Variants in TAPT1 observed in about 807,000 individuals in gnomAD.
TAPT1 encodes transmembrane anterior posterior transformation protein 1 homolog.
In TAPT1, 28 loss-of-function variants were observed where a neutral mutation model predicts 65.6. The observed-to-expected ratio is 0.43, with a 90% CI of 0.32 to 0.59. TAPT1 has a LOEUF of 0.59. Among genes scored for constraint, TAPT1 ranks in the 20% least tolerant of loss-of-function variants. TAPT1 has a pLI of 0.09. For missense variants in TAPT1, 563 were observed against 679.9 expected (o/e 0.83, Z 1.91); for synonymous variants, 278 against 245.2 (o/e 1.13, Z -1.25).
intron 2 of TAPT1, among the ~76,000 whole-genome samples, chr4:16,205,526 G>A (rs185060068): frequency 1.2e-4 from 19 of 152,248 alleles, no homozygotes; most frequent in Admixed American, 3.3e-4. Context: ...GACACAAACC[G>A]CATGCTAAGT....
intron 2 of TAPT1, among the ~76,000 whole-genome samples, chr4:16,204,820 G>A (rs1316896445): frequency 6.6e-6 from 1 of 152,222 alleles, no homozygotes; most frequent in Non-Finnish European, 1.5e-5. Flanking sequence ...TTCTACTAAT[G>A]ACACTTTCAC....
chr4:16,216,642 C>T (rs1022901720), intron 1 of TAPT1, among the ~76,000 whole-genome samples: 2 of 152,202 alleles, frequency 1.3e-5, no homozygotes, highest in African/African-American at 4.8e-5. Flanking sequence ...TGACAATCCC[C>T]TCTCTCTTCT....
chr4:16,203,424 A>G (rs1750161158), intron 2 of TAPT1, among the ~76,000 whole-genome samples: 1 of 152,162 alleles, frequency 6.6e-6, no homozygotes, highest in Non-Finnish European at 1.5e-5. Context: ...GGAACCTCAG[A>G]ATGTAACCGT....
chr4:16,193,447 G>C (rs718478), intron 3 of TAPT1, among the ~76,000 whole-genome samples: 3,407 of 152,150 alleles, frequency 0.022, 128 homozygotes, highest in African/African-American at 0.078. Context: ...CTCCCACAGA[G>C]AGAAAGAGAG....
intron 2 of TAPT1, among the ~76,000 whole-genome samples, chr4:16,207,629 T>C (rs1027660485): frequency 6.6e-6 from 1 of 152,222 alleles, no homozygotes; most frequent in African/African-American, 2.4e-5. Flanking sequence ...AAGAGAGATC[T>C]GATGCCTTGA....
intron 2 of TAPT1, among the ~76,000 whole-genome samples, chr4:16,208,560 G>C (rs1036330432): frequency 3.3e-5 from 5 of 152,186 alleles, no homozygotes; most frequent in African/African-American, 1.2e-4. Flanking sequence ...CGAGGTTGCA[G>C]CCGTCATCTT....
intron 2 of TAPT1, among the ~76,000 whole-genome samples, chr4:16,211,420 GAT>G (rs1750649285): frequency 6.6e-6 from 1 of 152,160 alleles, no homozygotes; most frequent in African/African-American, 2.4e-5. Context: ...AGTTATGAGA[GAT>G]ATTTAAGCCT....
chr4:16,175,645 C>G (rs1578419110), intron 9 of TAPT1, among the ~76,000 whole-genome samples: 1 of 152,078 alleles, frequency 6.6e-6, no homozygotes, highest in East Asian at 1.9e-4. Flanking sequence ...CTGGTTAGAA[C>G]ATAAAACAAA....
chr4:16,181,055 CAA>C (rs1748682571), intron 7 of TAPT1, among the ~76,000 whole-genome samples: 1 of 152,170 alleles, frequency 6.6e-6, no homozygotes, highest in East Asian at 1.9e-4. Context: ...TCTGTGACTT[CAA>C]AAGAGGATAC....
chr4:16,219,013 T>C (rs1410801714), intron 1 of TAPT1, among the ~76,000 whole-genome samples: 2 of 152,228 alleles, frequency 1.3e-5, no homozygotes, highest in African/African-American at 4.8e-5. Flanking sequence ...AACACTAGTT[T>C]AGATTCTACA....
chr4:16,183,667 T>C (rs960328270), intron 7 of TAPT1, among the ~76,000 whole-genome samples: 1 of 152,196 alleles, frequency 6.6e-6, no homozygotes, highest in African/African-American at 2.4e-5. Context: ...AGGAGGTTAC[T>C]AATATGAATT....
intron 12 of TAPT1, among the ~76,000 whole-genome samples, chr4:16,169,455 T>G (rs1013825373): frequency 6.6e-6 from 1 of 152,232 alleles, no homozygotes; most frequent in Non-Finnish European, 1.5e-5. Context: ...AGGGGCGGTG[T>G]GAGAATCTAC....
chr4:16,187,917 T>C (rs1396068626), intron 5 of TAPT1, among the ~76,000 whole-genome samples: 3 of 152,200 alleles, frequency 2.0e-5, no homozygotes, highest in East Asian at 1.9e-4. Context: ...AAAAATTATA[T>C]AGATCTATAT....
intron 11 of TAPT1, 67 bp from the exon 12 acceptor site, chr4:16,170,796 T>C: frequency 8.2e-7 from 1 of 1,215,702 alleles, no homozygotes; most frequent in African/African-American, 1.5e-5. Flanking sequence ...AGTTATTAGT[T>C]AATACTTAAA....
At chr4:16,182,053 A>G (rs57089965) in intron 7 of TAPT1, among the ~76,000 whole-genome samples, 26,162 of 152,208 alleles carry the variant, frequency 0.17, 2,693 homozygotes, top group East Asian at 0.31. Context: ...ATACAAAACT[A>G]TATCTAACTA....
intron 1 of TAPT1, chr4:16,225,876 T>C (rs1428412125): frequency 1.2e-5 from 12 of 985,582 alleles, no homozygotes; most frequent in Non-Finnish European, 1.3e-5. Flanking sequence ...AAAGTCACCT[T>C]GGCATGAATA....
chr4:16,223,518 C>G (rs1007132683), intron 1 of TAPT1, among the ~76,000 whole-genome samples: 13 of 152,142 alleles, frequency 8.5e-5, no homozygotes, highest in African/African-American at 3.1e-4. Context: ...CAAATAAAAA[C>G]AGGAATGATG....
chr4:16,161,261 A>G lies in TAPT1; in HGVS notation c.*2047T>C, dbSNP rs1337764488. The G allele has an allele frequency of 6.6e-6, 1 of 152,646 alleles. No homozygotes were observed. The highest frequency in any genetic ancestry group is 1.9e-4 in the East Asian group (1 of 5,194). The allele number at this position is 152,646 out of a possible 1,614,324, so 9.5% of individuals were successfully genotyped here. A position where few individuals can be genotyped will look rare whatever the true frequency, so the allele number is the denominator to read the frequency against. The stretch of plus-strand genomic sequence containing the variant: ...TGGGAAATTCACTCTACCAAATACA[A>G]TAGTAAATATTAAAATAAATTCAGT... On this transcript the variant is annotated 3_prime_UTR_variant, in exon 14 of 14. Transcript: ENST00000405303.
intron 10 of TAPT1, 78 bp from the exon 11 acceptor site, chr4:16,174,350 AG>A: frequency 7.8e-7 from 1 of 1,280,708 alleles, no homozygotes; most frequent in Middle Eastern, 1.8e-4. Flanking sequence ...ACTTATTACC[AG>A]CAAATGTTCT....
Sources: gnomAD v4.1 joint callset for allele counts (sites outside exome capture counted in the v4.1 genomes callset) on GRCh38, gnomAD v4.1.1 for gene constraint, MANE v1.5 for transcripts, NCBI Gene and HGNC (gene_info 2026-07-23, HGNC 2026-07-21) for gene names.